Variants in TMEM9B observed in about 807,000 individuals in gnomAD.
The protein encoded by TMEM9B is TMEM9 domain family member B.
Under a neutral mutation model 23.5 loss-of-function variants are expected in TMEM9B, and 8 were observed. The ratio of observed to expected loss-of-function variants is 0.34; its 90% CI spans 0.20 to 0.61. TMEM9B has a LOEUF of 0.61. Among genes scored for constraint, TMEM9B ranks in the 20% least tolerant of loss-of-function variants. The pLI is 0.78. For missense variants in TMEM9B, 197 were observed against 252.3 expected (o/e 0.78, Z 1.49); for synonymous variants, 106 against 96.3 (o/e 1.10, Z -0.59).
chr11:8,949,585 C>T (rs1184338915), intron 4 of TMEM9B, among the ~76,000 whole-genome samples: 9 of 152,282 alleles, frequency 5.9e-5, no homozygotes, highest in Non-Finnish European at 5.9e-5. Flanking sequence ...GGGCAGGAGT[C>T]TGCATGTATA....
At chr11:8,952,044 G>C (rs1189268439) in intron 4 of TMEM9B, among the ~76,000 whole-genome samples, 1 of 152,128 alleles carries the variant, frequency 6.6e-6, no homozygotes, top group Admixed American at 6.5e-5. Flanking sequence ...GGGAGGCTGA[G>C]GTTGTAGTGA....
rs376539801 is a variant in TMEM9B, at chr11:8,955,827, T to C, written c.306+363A>G. ...GAAATGAAGAGGGGAAATCTTAAAA[T>C]CCAGAAGTAATAGTTCTAGAATAAT... On this transcript the variant is annotated intron_variant, in intron 3 of 4. Coordinates refer to ENST00000534025, the MANE Select transcript of TMEM9B (RefSeq NM_020644.3). 1.4e-4 allele frequency among the ~76,000 whole-genome samples: 21 copies of C among 152,184 alleles called. 2 individuals are homozygous for C. Among genetic ancestry groups the C allele is most frequent in the East Asian group, 1.9e-4 (1 of 5,178 alleles).
intron 4 of TMEM9B, chr11:8,952,945 T>C (rs1342906594): frequency 6.9e-6 from 4 of 579,270 alleles, no homozygotes; most frequent in Non-Finnish European, 9.2e-6. Flanking sequence ...GGCAATAAAA[T>C]TGTGCCTTTG....
intron 2 of TMEM9B, among the ~76,000 whole-genome samples, chr11:8,958,185 G>A (rs556967203): frequency 6.2e-5 from 9 of 146,132 alleles, no homozygotes; most frequent in Admixed American, 5.6e-4. Context: ...AAAAAAGGCC[G>A]GGTGTGGTGG....
At chr11:8,958,233 C>A (rs200345269) in intron 2 of TMEM9B, among the ~76,000 whole-genome samples, 1 of 147,488 alleles carries the variant, frequency 6.8e-6, no homozygotes, top group Non-Finnish European at 1.5e-5. Flanking sequence ...GAGGCCGAGG[C>A]GGTTGGATCA....
At position 8,964,256 on chromosome 11, in the gene TMEM9B, G is replaced by T. The variant is rs1396916043; in HGVS notation, c.58C>A (p.Leu20Met). 2 of 1,597,216 alleles carry T rather than the reference G, an allele frequency of 1.3e-6. No individual in the cohort carries two copies. Among genetic ancestry groups the T allele is most frequent in the Non-Finnish European group, 8.5e-7 (1 of 1,172,780 alleles). ...GCCAGCAGCAGCACGGAAAGCGCCA[G>T]GCACGACAGGCTGAGCAAGGAGCCA... is the stretch of plus-strand genomic sequence containing the variant. ...RLGSLLSLSC[L>M]ALSVLLLAQL... Residue 20 changes from leucine to methionine, a missense_variant, in exon 1 of 5, where the codon CTG (leucine) becomes ATG (methionine). Around this residue, in one of 2 missense-constraint regions of TMEM9B, gnomAD observed 56 missense variants for 38.2 expected, o/e 1.46. Coordinates refer to ENST00000534025, the MANE Select transcript of TMEM9B (RefSeq NM_020644.3).
chr11:8,956,863 G>A (rs1168341748), intron 2 of TMEM9B, among the ~76,000 whole-genome samples: 1 of 152,168 alleles, frequency 6.6e-6, no homozygotes, highest in Non-Finnish European at 1.5e-5. Flanking sequence ...ATGATTACAG[G>A]AGCCTGCCAC....
Position 8,957,491 on chromosome 11 carries a change from C to T in TMEM9B, c.198-1193G>A, listed in dbSNP as rs148033791. Among the ~76,000 whole-genome samples, 37 of 152,334 alleles carry T rather than the reference C, an allele frequency of 2.4e-4. No homozygotes were observed. Among genetic ancestry groups the T allele is most frequent in the Admixed American group, 2.6e-4 (4 of 15,296 alleles). On this transcript the variant is annotated intron_variant, in intron 2 of 4. Transcript: ENST00000534025. This position sits in a 1 kb window ranked among gnomAD's most constrained non-coding sequence, Gnocchi z 4.3. The stretch of plus-strand genomic sequence containing the variant: ...ATTTTCTTTCCTTTTGGCATCTCTT[C>T]GTTAGGCATTCCTGGCTGCCTCAAG...
chr11:8,958,189 G>A (rs1456687697), intron 2 of TMEM9B, among the ~76,000 whole-genome samples: 1 of 146,726 alleles, frequency 6.8e-6, no homozygotes, highest in Admixed American at 6.9e-5. Context: ...AAGGCCGGGT[G>A]TGGTGGCTCA....
chr11:8,960,069 G>A (rs1428716785), intron 2 of TMEM9B, among the ~76,000 whole-genome samples: 1 of 151,888 alleles, frequency 6.6e-6, no homozygotes, highest in East Asian at 1.9e-4. Flanking sequence ...AGAAACAAGG[G>A]AGAGTGGGAG....
chr11:8,948,589 A>G (rs1853819257), intron 4 of TMEM9B, 114 bp from the exon 5 acceptor site: 1 of 1,255,978 alleles, frequency 8.0e-7, no homozygotes, highest in Non-Finnish European at 1.1e-6. Flanking sequence ...TTCAAACAAC[A>G]GAGCATCTAT....
chr11:8,949,293 G>T (rs1040514502), intron 4 of TMEM9B, among the ~76,000 whole-genome samples: 1 of 152,218 alleles, frequency 6.6e-6, no homozygotes, highest in Non-Finnish European at 1.5e-5. Context: ...GAGTACAACT[G>T]GATGTTTGTA....
chr11:8,955,377 T>C (rs936848331), intron 3 of TMEM9B, among the ~76,000 whole-genome samples: 2 of 152,160 alleles, frequency 1.3e-5, no homozygotes, highest in South Asian at 2.1e-4. Flanking sequence ...ATTACATTTA[T>C]TGTGCACTTT....
intron 2 of TMEM9B, among the ~76,000 whole-genome samples, chr11:8,958,742 T>C (rs1158585601): frequency 6.6e-6 from 1 of 151,912 alleles, no homozygotes; most frequent in Non-Finnish European, 1.5e-5. Context: ...CGACTAATTT[T>C]GTATTTTTAG....
intron 4 of TMEM9B, among the ~76,000 whole-genome samples, chr11:8,951,703 C>G (rs1853879778): frequency 6.8e-6 from 1 of 146,940 alleles, no homozygotes; most frequent in South Asian, 2.2e-4. Context: ...GCTTGCAGTG[C>G]GCTGAGATCG....
At chr11:8,954,364 A>G (rs919689724) in intron 3 of TMEM9B, among the ~76,000 whole-genome samples, 9 of 151,652 alleles carry the variant, frequency 5.9e-5, no homozygotes, top group Admixed American at 2.6e-4. Context: ...ATCTCAGCTC[A>G]CTGCAACCTC....
At chr11:8,961,999 A>G in intron 2 of TMEM9B, 93 bp downstream of exon 2, 1 of 852,752 alleles carries the variant, frequency 1.2e-6, no homozygotes, top group South Asian at 1.8e-5. Flanking sequence ...GAAATACTTA[A>G]AAAGAAAACT....
chr11:8,960,146 T>G (rs1044914868), intron 2 of TMEM9B, among the ~76,000 whole-genome samples: 1 of 143,818 alleles, frequency 7.0e-6, no homozygotes, highest in African/African-American at 2.6e-5. Context: ...CTGTTTTTTT[T>G]TTTTTTTTTT....
At position 8,956,213 on chromosome 11, in the gene TMEM9B, C is replaced by G. The variant is rs374571615; in HGVS notation, c.283G>C (p.Glu95Gln). 57 of 1,613,602 alleles carry G rather than the reference C, an allele frequency of 3.5e-5. No homozygotes were observed. Among genetic ancestry groups the G allele is most frequent in the Non-Finnish European group, 4.3e-5 (51 of 1,179,976 alleles). ...YCLRCECKYE[E>Q]RSSVTIKVTI... is the part of the protein sequence containing the mutation. ...ACCTTGATTGTGACAGAGCTTCTTT[C>G]TTCATATTTGCATTCACAGCGTAGA... Residue 95 changes from glutamate to glutamine, a missense_variant, in exon 3 of 5, where the codon GAA becomes CAA. By Grantham distance (29) the Glu-to-Gln change is conservative. Transcript: ENST00000534025.
Sources: allele counts gnomAD v4.1 joint callset (sites outside exome capture counted in the v4.1 genomes callset), GRCh38; gene constraint gnomAD v4.1.1; regional missense constraint gnomAD v4.1.1; non-coding constraint Gnocchi (gnomAD v3.1); transcripts MANE v1.5; gene names NCBI Gene and HGNC (gene_info 2026-07-23, HGNC 2026-07-21).